TFAP2C: variants seen among roughly 807,000 people sequenced by gnomAD.
The protein encoded by TFAP2C is transcription factor AP-2 gamma.
Under a neutral mutation model 42.9 loss-of-function variants are expected in TFAP2C, and 9 were observed. The ratio of observed to expected loss-of-function variants is 0.21; its 90% confidence interval spans 0.13 to 0.37. The LOEUF (loss-of-function observed/expected upper bound fraction) is 0.37, where lower values mean the gene tolerates loss of function less well. Among genes scored for constraint, TFAP2C ranks in the 10% least tolerant of loss-of-function variants. TFAP2C has a pLI of 1.00. For synonymous variants in TFAP2C, 264 were observed against 256.0 expected (o/e 1.03, Z -0.30); for missense variants, 462 against 591.7 (o/e 0.78, Z 2.27).
chr20:56,634,988 G>A (rs1365648021), intron 5 of TFAP2C, among the ~76,000 whole-genome samples: 1 of 152,186 alleles, frequency 6.6e-6, no homozygotes, highest in African/African-American at 2.4e-5. Flanking sequence ...TACTGCTCCC[G>A]GGAAGAGTTG....
rs778243139 is a variant in TFAP2C, at chr20:56,630,635, G to A, written c.49-570G>A. ...CCTCTTCACTTCCCAGGGCGGCGCA[G>A]GGTGGCGGGCCCTGCTTTCCGAGCG... is the stretch of plus-strand genomic sequence containing the variant. On this transcript the variant is annotated intron_variant, in intron 1 of 6. Transcript: ENST00000201031. This position sits in a 1 kb window ranked among gnomAD's most constrained non-coding sequence, Gnocchi z 5.1. The A allele has an allele frequency of 3.6e-4, 343 of 959,656 alleles. 2 individuals are homozygous for A. The highest frequency in any genetic ancestry group is 1.0e-3 in the Admixed American group (17 of 16,258). 59.4% of individuals were successfully genotyped at this position (959,656 alleles called of 1,614,324 possible).
chr20:56,636,848 G>T (rs1428341006), intron 6 of TFAP2C, 94 bp downstream of exon 6: 3 of 1,415,864 alleles, frequency 2.1e-6, no homozygotes, highest in Non-Finnish European at 2.8e-6. Context: ...GCTCAACAAA[G>T]AAATATTCTT....
At position 56,629,397 on chromosome 20, in the gene TFAP2C, G is replaced by A. The variant is rs1222256890; in HGVS notation, c.-148G>A. The A allele has an allele frequency of 8.5e-6, 5 of 588,910 alleles. No homozygotes were observed. Among genetic ancestry groups the A allele is most frequent in the Non-Finnish European group, 1.3e-5 (5 of 379,294 alleles). The allele number at this position is 588,910 out of a possible 1,614,324, so 36.5% of individuals were successfully genotyped here. On this transcript the variant is annotated 5_prime_UTR_variant, in exon 1 of 7. In the 5' UTR this introduces an upstream ATG that the reference lacks. Coordinates refer to ENST00000201031, the MANE Select transcript of TFAP2C (RefSeq NM_003222.4). The surrounding 1 kb of genome is among the most constrained non-coding windows in gnomAD (Gnocchi z 5.9). ...TCTACGCTCGCAGAGCCGCCGATGC[G>A]TGTCCAGTGACCCGGACAGCAAGGC... is the stretch of plus-strand genomic sequence containing the variant.
chr20:56,632,603 CAGAAA>C (rs1330599085), intron 3 of TFAP2C, among the ~76,000 whole-genome samples: 1 of 152,224 alleles, frequency 6.6e-6, no homozygotes, highest in Middle Eastern at 3.4e-3. Context: ...AAGAAAAACT[CAGAAA>C]AGACTACAAA....
intron 5 of TFAP2C, among the ~76,000 whole-genome samples, chr20:56,635,059 C>G (rs1987558583): frequency 6.6e-6 from 1 of 152,192 alleles, no homozygotes; most frequent in South Asian, 2.1e-4. Context: ...GAAACGGGCT[C>G]CCCGTGGCAG....
At position 56,629,803 on chromosome 20, in the gene TFAP2C, C is replaced by T. The variant is rs1422898820; in HGVS notation, c.48+211C>T. On this transcript the variant is annotated intron_variant, in intron 1 of 6. Transcript: ENST00000201031. The surrounding 1 kb of genome is among the most constrained non-coding windows in gnomAD (Gnocchi z 5.9). ...AATAGCCTCCCCTCGGGAACGAGGC[C>T]TGGAAAGAGAATGGCAAATCCCACC... is the stretch of plus-strand genomic sequence containing the variant. Among the ~76,000 whole-genome samples the T allele has an allele frequency of 1.3e-5, 2 of 152,148 alleles. No homozygotes were observed. The highest frequency in any genetic ancestry group is 3.9e-4 in the East Asian group (2 of 5,162).
chr20:56,636,669 A>C lies in TFAP2C; in HGVS notation c.982A>C (p.Lys328Gln). The C allele has an allele frequency of 6.2e-7, 1 of 1,614,206 alleles. No homozygotes were observed. The highest frequency in any genetic ancestry group is 1.3e-5 in the African/African-American group (1 of 75,060). ...TGTCTGTGAAGCCGAATTTCCTAGT[A>C]AACCAGTGGCAGAATATTTAACCAG... ...AYVCEAEFPSKPVAEYLTRPH... is the reference protein window; with the variant it reads ...AYVCEAEFPSQPVAEYLTRPH... Residue 328 changes from lysine to glutamine, a missense_variant, in exon 6 of 7, where the codon AAA (lysine) becomes CAA (glutamine). Physicochemically the swap from Lys to Gln is moderately conservative, Grantham distance 53. Coordinates refer to ENST00000201031, the MANE Select transcript of TFAP2C (RefSeq NM_003222.4).
rs1163411533 is a variant in TFAP2C at position 56,630,280 on chromosome 20, G to T, written c.48+688G>T. 7 of 345,212 alleles carry T rather than the reference G, an allele frequency of 2.0e-5. No homozygotes were observed. Among genetic ancestry groups the T allele is most frequent in the South Asian group, 1.4e-4 (7 of 49,926 alleles). 21.4% of individuals were successfully genotyped at this position (345,212 alleles called of 1,614,324 possible). On this transcript the variant is annotated intron_variant, in intron 1 of 6. Coordinates refer to ENST00000201031, the MANE Select transcript of TFAP2C (RefSeq NM_003222.4). This position sits in a 1 kb window ranked among gnomAD's most constrained non-coding sequence, Gnocchi z 5.1. The stretch of plus-strand genomic sequence containing the variant: ...CGCGGAGCTCGGGCTACGGACTCGC[G>T]GGAGTTCACTGCGCCTCCGGGCCCT...
intron 6 of TFAP2C, among the ~76,000 whole-genome samples, 153 bp from the exon 7 acceptor site, chr20:56,637,575 C>T (rs796076859): frequency 1.3e-5 from 2 of 152,342 alleles, no homozygotes; most frequent in African/African-American, 4.8e-5. Context: ...AGTTGCTAAG[C>T]GCAGCAGTTG....
Position 56,631,931 on chromosome 20 carries a change from G to T in TFAP2C, c.586+75G>T. 1 of 1,540,088 alleles carries T rather than the reference G, an allele frequency of 6.5e-7. No individual in the cohort carries two copies. Among genetic ancestry groups the T allele is most frequent in the Non-Finnish European group, 9.0e-7 (1 of 1,113,298 alleles). On this transcript the variant is annotated intron_variant, in intron 3 of 6. Coordinates refer to ENST00000201031, the MANE Select transcript of TFAP2C (RefSeq NM_003222.4). This position sits in a 1 kb window ranked among gnomAD's most constrained non-coding sequence, Gnocchi z 6.1. ...GTGAAGTTGACTGGCAAGGTTGGGGGTATTTGGTGGCCAGCGTGGGACATT... is the reference window on the plus strand; with the variant it reads ...GTGAAGTTGACTGGCAAGGTTGGGGTTATTTGGTGGCCAGCGTGGGACATT...
rs1267315212 is a variant in TFAP2C, at chr20:56,638,294, C to T, written c.*281C>T. On this transcript the variant is annotated 3_prime_UTR_variant, in exon 7 of 7. Transcript: ENST00000201031. Reference sequence around the variant, plus strand: ...TTTTTTTGAACCCCATTCTTTCCTTCTCTGAAAGTGGTGCTATAAGTTTTA... The same window carrying T: ...TTTTTTTGAACCCCATTCTTTCCTTTTCTGAAAGTGGTGCTATAAGTTTTA... The T allele has an allele frequency of 8.4e-6, 3 of 357,396 alleles. No homozygotes were observed. The highest frequency in any genetic ancestry group is 6.1e-5 in the African/African-American group (3 of 49,012). The allele number at this position is 357,396 out of a possible 1,614,324, so 22.1% of individuals were successfully genotyped here.
rs933349996 is a variant in TFAP2C at position 56,636,539 on chromosome 20, A to AAG, written c.923-64_923-63dup. On this transcript the variant is annotated intron_variant, in intron 5 of 6. Coordinates refer to ENST00000201031, the MANE Select transcript of TFAP2C (RefSeq NM_003222.4). ...AGACTCCGTGTCAAAAAAAAAAAAA[A>AAG]AGAGAGAGGAAAAGGGCAGTTTGGC... 9.0e-5 allele frequency: 134 copies of AAG among 1,486,100 alleles called. No individual in the cohort carries two copies. The African/African-American group carries it at 1.7e-3, about 19-fold the overall frequency. The allele number at this position is 1,486,100 out of a possible 1,614,324, so 92.1% of individuals were successfully genotyped here. A position where few individuals can be genotyped will look rare whatever the true frequency, so the allele number is the denominator to read the frequency against.
chr20:56,631,924 G>C lies in TFAP2C; in HGVS notation c.586+68G>C, dbSNP rs1987501356. On this transcript the variant is annotated intron_variant, in intron 3 of 6. Coordinates refer to ENST00000201031, the MANE Select transcript of TFAP2C (RefSeq NM_003222.4). This position sits in a 1 kb window ranked among gnomAD's most constrained non-coding sequence, Gnocchi z 6.1. ...TGGGCTTGTGAAGTTGACTGGCAAG[G>C]TTGGGGGTATTTGGTGGCCAGCGTG... is the stretch of plus-strand genomic sequence containing the variant. 3.2e-6 allele frequency: 5 copies of C among 1,581,638 alleles called. No homozygotes were observed. The East Asian group carries it at 1.1e-4, about 35-fold the overall frequency.
rs537107217 is a variant in TFAP2C at position 56,635,722 on chromosome 20, C to A, written c.923-888C>A. 4.6e-3 allele frequency among the ~76,000 whole-genome samples: 699 copies of A among 152,206 alleles called. 5 individuals are homozygous for A. The highest frequency in any genetic ancestry group is 0.016 in the African/African-American group (679 of 41,508). ...GTTTGATTATCTGTTGAGCAGAGGA[C>A]TGGTAAACATTTTTCAAGTTTACTC... On this transcript the variant is annotated intron_variant, in intron 5 of 6. Coordinates refer to ENST00000201031, the MANE Select transcript of TFAP2C (RefSeq NM_003222.4).
chr20:56,630,014 GC>G lies in TFAP2C; in HGVS notation c.48+426del, dbSNP rs1032213944. 3.3e-5 allele frequency among the ~76,000 whole-genome samples: 5 copies of G among 152,000 alleles called. No homozygotes were observed. Among genetic ancestry groups the G allele is most frequent in the African/African-American group, 1.2e-4 (5 of 41,434 alleles). On this transcript the variant is annotated intron_variant, in intron 1 of 6. Coordinates refer to ENST00000201031, the MANE Select transcript of TFAP2C (RefSeq NM_003222.4). This position sits in a 1 kb window ranked among gnomAD's most constrained non-coding sequence, Gnocchi z 5.1. ...CTCCTCCAAGGCCGGCTTGTCACCT[GC>G]CCCGCTACCTCCTCGGGGAAGCACG... is the stretch of plus-strand genomic sequence containing the variant.
Position 56,629,376 on chromosome 20 carries a change from C to A in TFAP2C, c.-169C>A, listed in dbSNP as rs1302088235. On this transcript the variant is annotated 5_prime_UTR_variant, in exon 1 of 7. Coordinates refer to ENST00000201031, the MANE Select transcript of TFAP2C (RefSeq NM_003222.4). The surrounding 1 kb of genome is among the most constrained non-coding windows in gnomAD (Gnocchi z 5.9). ...TTGACACTCGCGGCGGCAGCATCTA[C>A]GCTCGCAGAGCCGCCGATGCGTGTC... The A allele has an allele frequency of 1.2e-5, 6 of 488,760 alleles. No individual in the cohort carries two copies. Among genetic ancestry groups the A allele is most frequent in the African/African-American group, 2.0e-5 (1 of 50,288 alleles). The allele number at this position is 488,760 out of a possible 1,614,324, so 30.3% of individuals were successfully genotyped here.
Position 56,632,792 on chromosome 20 carries a change from TTAAA to T in TFAP2C, c.587-558_587-555del, listed in dbSNP as rs1319857776. Among the ~76,000 whole-genome samples the T allele has an allele frequency of 3.9e-5, 6 of 151,914 alleles. No individual in the cohort carries two copies. In the East Asian group the frequency reaches 7.7e-4, roughly 20 times the overall value. On this transcript the variant is annotated intron_variant, in intron 3 of 6. Transcript: ENST00000201031. Reference sequence around the variant, plus strand: ...AGTCTTCTGAAAACAAATGTTCTAATTAAATAGTTTTCAGCAGCTGCTAGGAAAA... The same window carrying T: ...AGTCTTCTGAAAACAAATGTTCTAATTAGTTTTCAGCAGCTGCTAGGAAAA...
intron 5 of TFAP2C, among the ~76,000 whole-genome samples, chr20:56,635,096 T>C (rs1987559562): frequency 6.6e-6 from 1 of 152,188 alleles, no homozygotes; most frequent in Non-Finnish European, 1.5e-5. Context: ...CTTTCTTTCC[T>C]TGCTCTGATG....
intron 5 of TFAP2C, 69 bp from the exon 6 acceptor site, chr20:56,636,535 AAAAAAG>A (rs1987586589): frequency 1.3e-6 from 2 of 1,511,984 alleles, no homozygotes; most frequent in African/African-American, 1.4e-5. Flanking sequence ...CAAAAAAAAA[AAAAAAG>A]AGAGAGGAAA....
Sources: allele counts gnomAD v4.1 joint callset (sites outside exome capture counted in the v4.1 genomes callset), GRCh38; gene constraint gnomAD v4.1.1; non-coding constraint Gnocchi (gnomAD v3.1); transcripts MANE v1.5; gene names NCBI Gene and HGNC (gene_info 2026-07-23, HGNC 2026-07-21).